CIT: variants seen among roughly 807,000 people sequenced by gnomAD.
The protein encoded by CIT is citron rho-interacting serine/threonine kinase, also known as citron Rho-interacting kinase.
In CIT, 79 loss-of-function variants were observed where a neutral mutation model predicts 272.7. That is an observed-to-expected ratio of 0.29 (90% CI 0.24 to 0.35). CIT has a LOEUF of 0.35. Ranked by LOEUF, CIT falls within the 10% of genes least tolerant of loss-of-function variation. The pLI, the probability that CIT is intolerant of heterozygous loss-of-function variation, is 1.00. For synonymous variants in CIT, 948 were observed against 995.6 expected (o/e 0.95, Z 0.90); for missense variants, 1,909 against 2,618.3 (o/e 0.73, Z 5.91).
chr12:119,689,339 G>A (rs559353221), intron 47 of CIT, among the ~76,000 whole-genome samples: 71 of 147,694 alleles, frequency 4.8e-4, no homozygotes, highest in Non-Finnish European at 8.2e-4. Flanking sequence ...CTATAATCAC[G>A]CCACTGCACT....
In CIT at chr12:119,718,562, A is replaced by C; in HGVS notation, c.4003+137T>G. 3 of 1,412,866 alleles carry C rather than the reference A, an allele frequency of 2.1e-6. No homozygotes were observed. Among genetic ancestry groups the C allele is most frequent in the Non-Finnish European group, 1.9e-6 (2 of 1,032,332 alleles). 87.5% of individuals were successfully genotyped at this position (1,412,866 alleles called of 1,614,324 possible). Reference sequence around the variant, plus strand: ...AATGCACAGGGGCCATACGTTTTTCAGACATGGGATGTCTGGTCTGAAAGC... The same window carrying C: ...AATGCACAGGGGCCATACGTTTTTCCGACATGGGATGTCTGGTCTGAAAGC... On this transcript the variant is annotated intron_variant, in intron 31 of 47. Transcript: ENST00000392521. This position sits in a 1 kb window ranked among gnomAD's most constrained non-coding sequence, Gnocchi z 4.8.
Position 119,804,980 on chromosome 12 carries a change from T to G in CIT, c.1112-1591A>C, listed in dbSNP as rs1966505990. Among the ~76,000 whole-genome samples the G allele has an allele frequency of 1.3e-5, 2 of 152,140 alleles. No homozygotes were observed. Among genetic ancestry groups the G allele is most frequent in the Non-Finnish European group, 2.9e-5 (2 of 68,020 alleles). ...AAAAATTAGCTGATGGAAAGAAAAA[T>G]TAGATTGAACACTTCAGCCCACATC... On this transcript the variant is annotated intron_variant, in intron 9 of 47. Coordinates refer to ENST00000392521, the MANE Select transcript of CIT (RefSeq NM_001206999.2). This position sits in a 1 kb window ranked among gnomAD's most constrained non-coding sequence, Gnocchi z 5.3.
chr12:119,853,720 C>A (rs1970384917), intron 4 of CIT, among the ~76,000 whole-genome samples: 1 of 152,114 alleles, frequency 6.6e-6, no homozygotes, highest in Non-Finnish European at 1.5e-5. Flanking sequence ...ATTTACTGCA[C>A]CTGATATGCT....
chr12:119,794,117 A>G (rs932376869), intron 10 of CIT, among the ~76,000 whole-genome samples: 4 of 152,016 alleles, frequency 2.6e-5, no homozygotes, highest in Non-Finnish European at 5.9e-5. Flanking sequence ...CTCAATCCCA[A>G]TTCTGCAGAC....
At chr12:119,773,257 C>T (rs1963379498) in intron 16 of CIT, among the ~76,000 whole-genome samples, 2 of 152,088 alleles carry the variant, frequency 1.3e-5, no homozygotes, top group African/African-American at 4.8e-5. Context: ...CGATTCGATG[C>T]AACGTAATGA....
intron 5 of CIT, among the ~76,000 whole-genome samples, chr12:119,849,651 C>T (rs1970065283): frequency 1.3e-5 from 2 of 151,430 alleles, no homozygotes; most frequent in South Asian, 4.2e-4. Flanking sequence ...GCCACAGCTA[C>T]AATATCCAAC....
chr12:119,777,512 A>G (rs549768692), intron 13 of CIT, among the ~76,000 whole-genome samples: 1 of 151,956 alleles, frequency 6.6e-6, no homozygotes, highest in Admixed American at 6.5e-5. Context: ...TCTACTAAAA[A>G]CACAAAAATT....
intron 10 of CIT, 60 bp downstream of exon 10, chr12:119,803,146 T>A: frequency 7.4e-5 from 8 of 108,792 alleles, no homozygotes; most frequent in East Asian, 2.0e-4. Flanking sequence ...CACCACCACC[T>A]TTGGCTCCAA....
chr12:119,815,105 AACACACACAC>A (rs3858712), intron 9 of CIT, among the ~76,000 whole-genome samples: 58 of 143,168 alleles, frequency 4.1e-4, no homozygotes, highest in African/African-American at 7.3e-4. Flanking sequence ...ACACACACAC[AACACACACAC>A]ACACACACAC....
chr12:119,772,691 G>A, intron 17 of CIT, 79 bp downstream of exon 17: 2 of 1,427,188 alleles, frequency 1.4e-6, no homozygotes, highest in Non-Finnish European at 1.9e-6. Flanking sequence ...ATAAGCAAGT[G>A]ATGGTCTGGC....
chr12:119,690,778 G>C lies in CIT; in HGVS notation c.5883-324C>G, dbSNP rs1224445780. The stretch of plus-strand genomic sequence containing the variant: ...ATCATCACAGCAGCTCCTGAGCTAT[G>C]AACAAGCATGACCCTCACTGTACAG... On this transcript the variant is annotated intron_variant, in intron 46 of 47. Transcript: ENST00000392521. This position sits in a 1 kb window ranked among gnomAD's most constrained non-coding sequence, Gnocchi z 6.0. 6.6e-6 allele frequency among the ~76,000 whole-genome samples: 1 copy of C among 152,210 alleles called. No individual in the cohort carries two copies. The highest frequency in any genetic ancestry group is 1.5e-5 in the Non-Finnish European group (1 of 68,042).
chr12:119,757,539 G>A lies in CIT; in HGVS notation c.2538C>T (p.Ala846=). The change falls in exon 22 of 48, where the codon GCC becomes GCT. Residue 846 remains alanine (A), a synonymous_variant. Transcript: ENST00000392521. The part of the protein sequence containing the change: ...SSLFTQRNMK[A]QEEMISELRQ... ...TGAGTTCAGAAATCATCTCTTCTTG[G>A]GCCTTCCTGGTGGGGGTGGTGGGAG... 6.2e-7 allele frequency: 1 copy of A among 1,605,078 alleles called. No homozygotes were observed. Among genetic ancestry groups the A allele is most frequent in the South Asian group, 1.1e-5 (1 of 90,840 alleles).
intron 5 of CIT, among the ~76,000 whole-genome samples, chr12:119,844,877 C>G (rs1241263460): frequency 6.6e-6 from 1 of 152,038 alleles, no homozygotes; most frequent in Admixed American, 6.6e-5. Flanking sequence ...TCCCAGCACT[C>G]TGGGAGGCTG....
chr12:119,720,501 C>T lies in CIT; in HGVS notation c.3817G>A (p.Asp1273Asn). ...KLIDFLQAKM[D>N]QPAKKKKGLF... ...ACCTTTTTCTTTTTAGCAGGTTGGTCCATTTTGGCTTGCAGAAAATCAATG... is the reference window on the plus strand; with the variant it reads ...ACCTTTTTCTTTTTAGCAGGTTGGTTCATTTTGGCTTGCAGAAAATCAATG... The change falls in exon 30 of 48, where the codon GAC (aspartate) becomes AAC (asparagine). Residue 1273 changes from aspartate to asparagine, a missense_variant. Transcript: ENST00000392521. 2 of 1,607,962 alleles carry T rather than the reference C, an allele frequency of 1.2e-6. No individual in the cohort carries two copies. The highest frequency in any genetic ancestry group is 1.7e-6 in the Non-Finnish European group (2 of 1,178,568).
intron 18 of CIT, among the ~76,000 whole-genome samples, chr12:119,769,616 A>T (rs1485298886): frequency 6.6e-6 from 1 of 152,200 alleles, no homozygotes; most frequent in Admixed American, 6.5e-5. Context: ...CTCATGATAA[A>T]ATTCAAACAC....
rs1234171861 is a variant in CIT at position 119,809,439 on chromosome 12, T to C, written c.1112-6050A>G. ...GAGACAGGTTTGAATTATTATGAGA[T>C]ATATATATACATATATATAGGTTTT... On this transcript the variant is annotated intron_variant, in intron 9 of 47. Coordinates refer to ENST00000392521, the MANE Select transcript of CIT (RefSeq NM_001206999.2). Among the ~76,000 whole-genome samples, 4 of 152,294 alleles carry C rather than the reference T, an allele frequency of 2.6e-5. No homozygotes were observed. In the South Asian group the frequency reaches 6.2e-4, roughly 24 times the overall value.
chr12:119,741,274 G>C lies in CIT; in HGVS notation c.2958+1137C>G, dbSNP rs534441589. On this transcript the variant is annotated intron_variant, in intron 24 of 47. Coordinates refer to ENST00000392521, the MANE Select transcript of CIT (RefSeq NM_001206999.2). ...ACATCCTCTGTGATTCCATTTATAT[G>C]ACATTCAAGAACAGGTAAGACTAAA... Among the ~76,000 whole-genome samples the C allele has an allele frequency of 8.1e-4, 123 of 152,276 alleles. No homozygotes were observed. In the South Asian group the frequency reaches 0.012, roughly 14 times the overall value.
intron 32 of CIT, among the ~76,000 whole-genome samples, chr12:119,717,838 C>CTTTTTTTTTTCTTTT (rs1957601906): frequency 1.2e-5 from 1 of 81,332 alleles, no homozygotes; most frequent in Non-Finnish European, 2.3e-5. Flanking sequence ...TGACTTCTTT[C>CTTTTTTTTTTCTTTT]TTTTTTTTTT....
intron 32 of CIT, among the ~76,000 whole-genome samples, chr12:119,714,546 C>T (rs556722808): frequency 3.9e-5 from 6 of 152,168 alleles, no homozygotes; most frequent in Non-Finnish European, 5.9e-5. Flanking sequence ...GACACCTCCC[C>T]GAAGAGGATA....
Sources: allele counts gnomAD v4.1 joint callset (sites outside exome capture counted in the v4.1 genomes callset), GRCh38; gene constraint gnomAD v4.1.1; non-coding constraint Gnocchi (gnomAD v3.1); transcripts MANE v1.5; gene names NCBI Gene and HGNC (gene_info 2026-07-23, HGNC 2026-07-21).